The following ZNF628 variants were observed in gnomAD, a reference collection of about 807,000 sequenced individuals.
The protein encoded by ZNF628 is zinc finger protein Zec.
ZNF628 carries 3 observed loss-of-function variants against 2.5 expected under a neutral mutation model. The observed-to-expected ratio is 1.19, with a 90% CI of 0.54 to 3.07. The LOEUF (loss-of-function observed/expected upper bound fraction) is 3.07, where lower values mean the gene tolerates loss of function less well. ZNF628 is among the 30% of genes most tolerant of loss of function. ZNF628 has a pLI of 0.03. For missense variants in ZNF628, 1,610 were observed against 1,517.1 expected (o/e 1.06, Z -1.02); for synonymous variants, 861 against 717.1 (o/e 1.20, Z -3.21).
chr19:55,478,541 C>G (rs1986618779), intron 1 of ZNF628, among the ~76,000 whole-genome samples: 1 of 152,186 alleles, frequency 6.6e-6, no homozygotes, highest in South Asian at 2.1e-4. Context: ...AGTCGGCAGG[C>G]TCGAAGACCA....
Position 55,482,333 on chromosome 19 carries a change from T to G in ZNF628, c.1140T>G (p.Ala380=), listed in dbSNP as rs2123412643. Residue 380 remains alanine, a synonymous_variant, in exon 3 of 3, where the codon GCT becomes GCG. Coordinates refer to ENST00000598519, the MANE Select transcript of ZNF628 (RefSeq NM_033113.3). ...CCCGCCACCAGCACAGCCACGGGGC[T>G]GCCGGCGGGCAAGCGTTCCGCTGCG... The part of the protein sequence containing the change: ...GLSRHQHSHG[A]AGGQAFRCGS... The G allele has an allele frequency of 1.4e-6, 2 of 1,455,144 alleles. No homozygotes were observed. Among genetic ancestry groups the G allele is most frequent in the East Asian group, 6.1e-5 (2 of 32,994 alleles). 90.1% of individuals were successfully genotyped at this position (1,455,144 alleles called of 1,614,324 possible). A position where few individuals can be genotyped will look rare whatever the true frequency, so the allele number is the denominator to read the frequency against.
chr19:55,483,685 C>G lies in ZNF628; in HGVS notation c.2492C>G (p.Thr831Arg). 6.2e-7 allele frequency: 1 copy of G among 1,613,584 alleles called. No homozygotes were observed. The highest frequency in any genetic ancestry group is 1.1e-5 in the South Asian group (1 of 91,072). ...CTCCGACCAGCCCCAGAAGTAACCA[C>G]GGTCCAGCTCCAGCCAGCGCAGGAG... ...QPLRPAPEVT[T>R]VQLQPAQEVT... is the part of the protein sequence containing the mutation. The change falls in exon 3 of 3, where the codon ACG (threonine) becomes AGG (arginine). Residue 831 changes from threonine (T) to arginine (R), a missense_variant. By Grantham distance (71) the Thr-to-Arg change is moderately conservative (BLOSUM62 -1). This residue lies in a region of ZNF628 where 712 missense variants were observed against 603.6 expected (regional missense o/e 1.18). Coordinates refer to ENST00000598519, the MANE Select transcript of ZNF628 (RefSeq NM_033113.3).
At position 55,482,334 on chromosome 19, in the gene ZNF628, G is replaced by A. The variant is rs558098589; in HGVS notation, c.1141G>A (p.Ala381Thr). ...CCGCCACCAGCACAGCCACGGGGCTGCCGGCGGGCAAGCGTTCCGCTGCGG... is the reference window on the plus strand; with the variant it reads ...CCGCCACCAGCACAGCCACGGGGCTACCGGCGGGCAAGCGTTCCGCTGCGG... ...LSRHQHSHGA[A>T]GGQAFRCGSC... is the part of the protein sequence containing the mutation. The change falls in exon 3 of 3, where the codon GCC becomes ACC. Residue 381 changes from alanine to threonine, a missense_variant. Physicochemically the swap from Ala to Thr is moderately conservative, Grantham distance 58. This residue lies in a region of ZNF628 where 651 missense variants were observed against 575.6 expected (regional missense o/e 1.13). Coordinates refer to ENST00000598519, the MANE Select transcript of ZNF628 (RefSeq NM_033113.3). 5 of 1,455,368 alleles carry A rather than the reference G, an allele frequency of 3.4e-6. No homozygotes were observed. The African/African-American group carries it at 5.9e-5, about 17-fold the overall frequency. 90.2% of individuals were successfully genotyped at this position (1,455,368 alleles called of 1,614,324 possible). A position where few individuals can be genotyped will look rare whatever the true frequency, so the allele number is the denominator to read the frequency against.
chr19:55,483,217 C>T lies in ZNF628; in HGVS notation c.2024C>T (p.Thr675Ile). 2 of 1,541,620 alleles carry T rather than the reference C, an allele frequency of 1.3e-6. No homozygotes were observed. The highest frequency in any genetic ancestry group is 1.7e-6 in the Non-Finnish European group (2 of 1,150,164). Residue 675 changes from threonine to isoleucine, a missense_variant, in exon 3 of 3, where the codon ACC (threonine) becomes ATC (isoleucine). By Grantham distance (89) the Thr-to-Ile change is moderately conservative (BLOSUM62 -1). Transcript: ENST00000598519. ...GCTGCTGCGCGGGCCCCGCCAGCCA[C>T]CCAAGATGTCCACGTCCTGCCCCAC... Reference protein sequence around the residue: ...PLAAARAPPATQDVHVLPHLQ... With the variant: ...PLAAARAPPAIQDVHVLPHLQ...
rs373903110 is a variant in ZNF628 at position 55,478,149 on chromosome 19, C to T, written c.-78+1342C>T. Among the ~76,000 whole-genome samples the T allele has an allele frequency of 5.6e-4, 86 of 152,260 alleles. 3 individuals carry two copies. Among genetic ancestry groups the T allele is most frequent in the African/African-American group, 1.8e-3 (76 of 41,546 alleles). On this transcript the variant is annotated intron_variant, in intron 1 of 2. Coordinates refer to ENST00000598519, the MANE Select transcript of ZNF628 (RefSeq NM_033113.3). Reference sequence around the variant, plus strand: ...CGGGGGCCAGGGCTGCTGCTCGACACCCTGCAGTGCACAGGACAGCCCTCA... The same window carrying T: ...CGGGGGCCAGGGCTGCTGCTCGACATCCTGCAGTGCACAGGACAGCCCTCA...
rs1236874475 is a variant in ZNF628, at chr19:55,481,917, C to G, written c.724C>G (p.Gln242Glu). ...PGTASAAPPPQSREPGKVFVC... is the reference protein window; with the variant it reads ...PGTASAAPPPESREPGKVFVC... ...TACCGCCTCCGCGGCCCCGCCCCCC[C>G]AGTCCCGGGAGCCCGGCAAGGTCTT... Residue 242 changes from glutamine to glutamate, a missense_variant, in exon 3 of 3, where the codon CAG (glutamine) becomes GAG (glutamate). Gln to Glu is a conservative substitution (Grantham distance 29). This residue lies in a region of ZNF628 where 651 missense variants were observed against 575.6 expected (regional missense o/e 1.13). Coordinates refer to ENST00000598519, the MANE Select transcript of ZNF628 (RefSeq NM_033113.3). 1 of 1,481,296 alleles carries G rather than the reference C, an allele frequency of 6.8e-7. No individual in the cohort carries two copies. Among genetic ancestry groups the G allele is most frequent in the Non-Finnish European group, 8.9e-7 (1 of 1,120,362 alleles). The allele number at this position is 1,481,296 out of a possible 1,614,324, so 91.8% of individuals were successfully genotyped here.
Position 55,483,422 on chromosome 19 carries a change from C to T in ZNF628, c.2229C>T (p.Ile743=), listed in dbSNP as rs1232037190. The part of the protein sequence containing the change: ...PPPPPAPPKL[I]LLPSSSAGAG... The stretch of plus-strand genomic sequence containing the variant: ...CCCCTCCCGCACCTCCCAAGCTCAT[C>T]CTGCTGCCCTCCTCCAGTGCTGGGG... Residue 743 remains isoleucine (I), a synonymous_variant, in exon 3 of 3, where the codon ATC becomes ATT. Transcript: ENST00000598519. 1 of 1,519,336 alleles carries T rather than the reference C, an allele frequency of 6.6e-7. No homozygotes were observed. Among genetic ancestry groups the T allele is most frequent in the Non-Finnish European group, 8.8e-7 (1 of 1,135,718 alleles). The allele number at this position is 1,519,336 out of a possible 1,614,324, so 94.1% of individuals were successfully genotyped here.
chr19:55,476,976 A>G (rs891341793), intron 1 of ZNF628, among the ~76,000 whole-genome samples, 169 bp downstream of exon 1: 1 of 152,160 alleles, frequency 6.6e-6, no homozygotes, highest in Non-Finnish European at 1.5e-5. Flanking sequence ...TTAAAGGGCA[A>G]GGGGCCACAT....
Position 55,483,352 on chromosome 19 carries a change from GC to G in ZNF628, c.2161del (p.Leu721SerfsTer3). 6.5e-7 allele frequency: 1 copy of G among 1,540,704 alleles called. No homozygotes were observed. ...QTFLLVQTAQ[G>X]LQLIPSSVQP... ...TTCCTCCTGGTGCAAACTGCCCAGG[GC>G]CTCCAGCTGATCCCCAGCAGCGTGC... On this transcript the variant is annotated frameshift_variant, in exon 3 of 3. Transcript: ENST00000598519. LOFTEE classifies it low-confidence loss of function (END_TRUNC).
Position 55,484,073 on chromosome 19 carries a change from G to C in ZNF628, c.2880G>C (p.Gly960=), listed in dbSNP as rs775815787. 2.5e-6 allele frequency: 4 copies of C among 1,592,534 alleles called. No individual in the cohort carries two copies. Among genetic ancestry groups the C allele is most frequent in the Non-Finnish European group, 3.4e-6 (4 of 1,170,876 alleles). ...AGGAGGTAGAAACACTTCCTCCTGG[G>C]CTGACGGAGCCGCCTGCCACCGGCC... ...CVQEVETLPP[G]LTEPPATGPP... The change falls in exon 3 of 3, where the codon GGG becomes GGC. Residue 960 remains glycine, a synonymous_variant. Coordinates refer to ENST00000598519, the MANE Select transcript of ZNF628 (RefSeq NM_033113.3).
chr19:55,482,244 G>GC lies in ZNF628; in HGVS notation c.1056dup (p.Ala353ArgfsTer70). 6.9e-7 allele frequency: 1 copy of GC among 1,442,716 alleles called. No individual in the cohort carries two copies. The highest frequency in any genetic ancestry group is 1.4e-5 in the South Asian group (1 of 73,340). The allele number at this position is 1,442,716 out of a possible 1,614,324, so 89.4% of individuals were successfully genotyped here. Reference sequence around the variant, plus strand: ...GCCGCAGCCCCCTCCTCCCGCCGCCGCCCCCGCGCCTGGCTTTGCCTGTCT... The same window carrying GC: ...GCCGCAGCCCCCTCCTCCCGCCGCCGCCCCCCGCGCCTGGCTTTGCCTGTCT... On this transcript the variant is annotated frameshift_variant, in exon 3 of 3. Coordinates refer to ENST00000598519, the MANE Select transcript of ZNF628 (RefSeq NM_033113.3). LOFTEE classifies it low-confidence loss of function (END_TRUNC).
In ZNF628 at chr19:55,482,120, G is replaced by T; in HGVS notation, c.927G>T (p.Leu309=). 1 of 1,507,550 alleles carries T rather than the reference G, an allele frequency of 6.6e-7. No individual in the cohort carries two copies. The highest frequency in any genetic ancestry group is 1.4e-5 in the African/African-American group (1 of 69,214). 93.4% of individuals were successfully genotyped at this position (1,507,550 alleles called of 1,614,324 possible). A position where few individuals can be genotyped will look rare whatever the true frequency, so the allele number is the denominator to read the frequency against. ...AGCAGGGATTCAGCAGCGAGGAGCT[G>T]CTCCTGGAGCACCAGCCGTGCCCCG... The part of the protein sequence containing the change: ...GCEQGFSSEE[L]LLEHQPCPGP... Residue 309 remains leucine (L), a synonymous_variant, in exon 3 of 3, where the codon CTG becomes CTT. Coordinates refer to ENST00000598519, the MANE Select transcript of ZNF628 (RefSeq NM_033113.3).
At chr19:55,477,819 G>A (rs567333405) in intron 1 of ZNF628, among the ~76,000 whole-genome samples, 1 of 152,180 alleles carries the variant, frequency 6.6e-6, no homozygotes, top group South Asian at 2.1e-4. Context: ...GGGATGCCTA[G>A]CCTTCATTCA....
chr19:55,478,433 C>T (rs576868191), intron 1 of ZNF628, among the ~76,000 whole-genome samples: 135 of 152,232 alleles, frequency 8.9e-4, no homozygotes, highest in Admixed American at 2.0e-3. Flanking sequence ...GAGGTGGGAG[C>T]AGGCGTGCCT....
In ZNF628 at chr19:55,484,211, AG is replaced by A; in HGVS notation, c.3020del (p.Gly1007AlafsTer30). 6.5e-7 allele frequency: 1 copy of A among 1,546,934 alleles called. No homozygotes were observed. The highest frequency in any genetic ancestry group is 8.7e-7 in the Non-Finnish European group (1 of 1,145,786). ...TGCAGCTCCTGGCCCCACCGCCGTC[AG>A]GCCCAGCCTCGGGCCCCGCGGGGCT... is the stretch of plus-strand genomic sequence containing the variant. ...TLQLLAPPPS[G>X]PASGPAGLPG... On this transcript the variant is annotated frameshift_variant, in exon 3 of 3. Coordinates refer to ENST00000598519, the MANE Select transcript of ZNF628 (RefSeq NM_033113.3). LOFTEE classifies it low-confidence loss of function (END_TRUNC).
chr19:55,482,220 C>A lies in ZNF628; in HGVS notation c.1027C>A (p.Pro343Thr). 6.8e-7 allele frequency: 1 copy of A among 1,465,938 alleles called. No individual in the cohort carries two copies. Among genetic ancestry groups the A allele is most frequent in the Admixed American group, 2.4e-5 (1 of 41,038 alleles). 90.8% of individuals were successfully genotyped at this position (1,465,938 alleles called of 1,614,324 possible). ...GGCCGACCAGCCACCGTCCCCTCTG[C>A]CGCAGCCCCCTCCTCCCGCCGCCGC... ...PKADQPPSPL[P>T]QPPPPAAAPA... Residue 343 changes from proline to threonine, a missense_variant, in exon 3 of 3, where the codon CCG (proline) becomes ACG (threonine). Physicochemically the swap from Pro to Thr is conservative, Grantham distance 38 (BLOSUM62 -1). Coordinates refer to ENST00000598519, the MANE Select transcript of ZNF628 (RefSeq NM_033113.3).
In ZNF628 at chr19:55,483,063, T is replaced by G; in HGVS notation, c.1870T>G (p.Cys624Gly). 1 of 1,610,730 alleles carries G rather than the reference T, an allele frequency of 6.2e-7. No homozygotes were observed. Among genetic ancestry groups the G allele is most frequent in the Non-Finnish European group, 8.5e-7 (1 of 1,179,438 alleles). The stretch of plus-strand genomic sequence containing the variant: ...GCACTCGGCGGAGCGCCCCTTCACC[T>G]GCCCCATCTGCGGTCGCGGCTTCGT... The part of the protein sequence containing the change: ...RTHSAERPFT[C>G]PICGRGFVMA... The change falls in exon 3 of 3, where the codon TGC (cysteine) becomes GGC (glycine). Residue 624 changes from cysteine to glycine, a missense_variant. Physicochemically the swap from Cys to Gly is radical, Grantham distance 159. Transcript: ENST00000598519.
rs772003657 is a variant in ZNF628 at position 55,484,206 on chromosome 19, C to T, written c.3013C>T (p.Pro1005Ser). 5.8e-6 allele frequency: 9 copies of T among 1,546,930 alleles called. No homozygotes were observed. Among genetic ancestry groups the T allele is most frequent in the African/African-American group, 1.4e-5 (1 of 72,956 alleles). Residue 1005 changes from proline (P) to serine (S), a missense_variant, in exon 3 of 3, where the codon CCG becomes TCG. By Grantham distance (74) the Pro-to-Ser change is moderately conservative. Around this residue, in one of 5 missense-constraint regions of ZNF628, gnomAD observed 712 missense variants for 603.6 expected, o/e 1.18. Coordinates refer to ENST00000598519, the MANE Select transcript of ZNF628 (RefSeq NM_033113.3). Reference protein sequence around the residue: ...TATLQLLAPPPSGPASGPAGL... With the variant: ...TATLQLLAPPSSGPASGPAGL... ...CACGCTGCAGCTCCTGGCCCCACCG[C>T]CGTCAGGCCCAGCCTCGGGCCCCGC...
At chr19:55,477,353 GTT>G (rs60568698) in intron 1 of ZNF628, among the ~76,000 whole-genome samples, 9,461 of 146,932 alleles carry the variant, frequency 0.064, 372 homozygotes, top group East Asian at 0.14. Flanking sequence ...CAGTAGGTTT[GTT>G]TTTTTTTTTT....
Sources: gnomAD v4.1 joint callset for allele counts (sites outside exome capture counted in the v4.1 genomes callset) on GRCh38, gnomAD v4.1.1 for gene constraint, gnomAD v4.1.1 regional missense constraint, MANE v1.5 for transcripts, NCBI Gene and HGNC (gene_info 2026-07-23, HGNC 2026-07-21) for gene names.